PPFIA2: variants seen among roughly 807,000 people sequenced by gnomAD.
The protein encoded by PPFIA2 is PPFI scaffold protein A2, also known as liprin-alpha-2.
PPFIA2 carries 46 observed loss-of-function variants against 175.5 expected under a neutral mutation model. The ratio of observed to expected loss-of-function variants is 0.26; its 90% CI spans 0.21 to 0.34. The LOEUF (loss-of-function observed/expected upper bound fraction) is 0.34. Ranked by LOEUF, PPFIA2 falls within the 10% of genes least tolerant of loss-of-function variation. The probability of loss-of-function intolerance (pLI) is 1.00; values close to 1 mark genes in which losing one functional copy is unlikely to be tolerated. For missense variants in PPFIA2, 1,179 were observed against 1,506.1 expected (o/e 0.78, Z 3.60); for synonymous variants, 568 against 511.4 (o/e 1.11, Z -1.49).
chr12:81,366,202 T>C (rs1168071830), intron 14 of PPFIA2, among the ~76,000 whole-genome samples: 2 of 151,206 alleles, frequency 1.3e-5, no homozygotes, highest in African/African-American at 4.8e-5. Context: ...CTTTCTTCTT[T>C]AAAAAAATAA....
chr12:81,598,080 G>A (rs1334849310), intron 4 of PPFIA2: 14 of 1,533,794 alleles, frequency 9.1e-6, no homozygotes, highest in Non-Finnish European at 1.2e-5. Context: ...CAGATGCAGA[G>A]CAGAGAGCTT....
intron 7 of PPFIA2, 30 bp from the exon 8 acceptor site, chr12:81,405,933 G>A (rs1301842400): frequency 8.1e-7 from 1 of 1,237,664 alleles, no homozygotes; most frequent in Non-Finnish European, 1.1e-6. Flanking sequence ...TGCCTTTAAA[G>A]TCTAAATAGG....
intron 4 of PPFIA2, among the ~76,000 whole-genome samples, chr12:81,547,225 C>T (rs2067139150): frequency 6.6e-6 from 1 of 152,082 alleles, no homozygotes; most frequent in African/African-American, 2.4e-5. Flanking sequence ...ATTTTACTAA[C>T]CAAAACTCCT....
chr12:81,269,106 C>CT (rs145820544), intron 28 of PPFIA2, among the ~76,000 whole-genome samples: 7,350 of 150,704 alleles, frequency 0.049, 345 homozygotes, highest in African/African-American at 0.11. Flanking sequence ...AATGCCGTTT[C>CT]TTTTTTTTTA....
intron 22 of PPFIA2, among the ~76,000 whole-genome samples, chr12:81,311,664 CGGAGCT>C (rs1833845869): frequency 7.1e-6 from 1 of 141,834 alleles, no homozygotes; most frequent in African/African-American, 2.6e-5. Context: ...ACCTGGGAGG[CGGAGCT>C]TGCAGTGAGC....
In PPFIA2 at chr12:81,284,291, CGTTGCCTG is replaced by C. The variant is rs1401237994; in HGVS notation, c.2930_2937del (p.Ser977CysfsTer6). Reference sequence around the variant, plus strand: ...TCCATTTCTTCATGAGTCACCCAAACGTTGCCTGAAGGCTAGTGAGGAGGCCCAGAGGG... The same window carrying C: ...TCCATTTCTTCATGAGTCACCCAAACAAGGCTAGTGAGGAGGCCCAGAGGG... On this transcript the variant is annotated frameshift_variant, in exon 25 of 33. Coordinates refer to ENST00000549396, the MANE Select transcript of PPFIA2 (RefSeq NM_003625.5). LOFTEE classifies it high-confidence loss of function. 1.3e-6 allele frequency: 2 copies of C among 1,594,446 alleles called. No individual in the cohort carries two copies. The highest frequency in any genetic ancestry group is 1.7e-6 in the Non-Finnish European group (2 of 1,165,614).
At chr12:81,707,043 C>T (rs1490630958) in intron 3 of PPFIA2, among the ~76,000 whole-genome samples, 10 of 152,114 alleles carry the variant, frequency 6.6e-5, no homozygotes, top group South Asian at 2.1e-4. Flanking sequence ...AAGACTTAAA[C>T]GTTAGACCTA....
intron 4 of PPFIA2, among the ~76,000 whole-genome samples, chr12:81,461,569 G>A (rs2054543711): frequency 1.3e-5 from 2 of 151,994 alleles, no homozygotes; most frequent in Admixed American, 6.6e-5. Flanking sequence ...AGGCCCATCA[G>A]GGATCTCCAT....
At chr12:81,392,029 A>G (rs2040221234) in intron 8 of PPFIA2, among the ~76,000 whole-genome samples, 1 of 151,932 alleles carries the variant, frequency 6.6e-6, no homozygotes. Context: ...GAGGAGTGAC[A>G]TGATTTCACT....
intron 4 of PPFIA2, among the ~76,000 whole-genome samples, chr12:81,499,614 C>T (rs1010812644): frequency 3.9e-5 from 6 of 151,956 alleles, no homozygotes; most frequent in African/African-American, 1.5e-4. Context: ...TCTGAGATGC[C>T]TATAAGGTAA....
At chr12:81,630,599 T>G (rs1318535099) in intron 4 of PPFIA2, among the ~76,000 whole-genome samples, 1 of 152,126 alleles carries the variant, frequency 6.6e-6, no homozygotes, top group Non-Finnish European at 1.5e-5. Flanking sequence ...TTTGGAAGCC[T>G]AATAGTCTTG....
chr12:81,692,114 A>ACACC (rs1169845637), intron 3 of PPFIA2, among the ~76,000 whole-genome samples: 2 of 150,038 alleles, frequency 1.3e-5, no homozygotes, highest in Middle Eastern at 6.8e-3. Context: ...ACACAGACAC[A>ACACC]CACACACACA....
chr12:81,310,471 C>T (rs2139032537), intron 22 of PPFIA2, among the ~76,000 whole-genome samples: 1 of 152,222 alleles, frequency 6.6e-6, no homozygotes. Context: ...CAGTTTCTTA[C>T]AGTCCATTAA....
At chr12:81,415,798 C>T (rs572545788) in intron 7 of PPFIA2, among the ~76,000 whole-genome samples, 1 of 150,504 alleles carries the variant, frequency 6.6e-6, no homozygotes, top group South Asian at 2.1e-4. Context: ...TTATAATATT[C>T]AACAATAGTA....
At chr12:81,675,941 A>C (rs1360664050) in intron 4 of PPFIA2, among the ~76,000 whole-genome samples, 1 of 152,074 alleles carries the variant, frequency 6.6e-6, no homozygotes, top group African/African-American at 2.4e-5. Flanking sequence ...TAACACCGTG[A>C]GACATATCTG....
At chr12:81,547,135 T>C (rs941821040) in intron 4 of PPFIA2, among the ~76,000 whole-genome samples, 26 of 152,222 alleles carry the variant, frequency 1.7e-4, no homozygotes, top group African/African-American at 6.3e-4. Flanking sequence ...TTATGGAAAC[T>C]GTGCTCAATT....
At chr12:81,449,151 G>A (rs73358638) in intron 5 of PPFIA2, among the ~76,000 whole-genome samples, 2 of 152,078 alleles carry the variant, frequency 1.3e-5, no homozygotes, top group African/African-American at 4.8e-5. Context: ...GCATAAAGAA[G>A]TGACCATGGT....
chr12:81,274,336 A>T (rs2039957902), intron 28 of PPFIA2, among the ~76,000 whole-genome samples: 1 of 152,192 alleles, frequency 6.6e-6, no homozygotes, highest in Non-Finnish European at 1.5e-5. Context: ...ACTTAGGTTT[A>T]TATTTTGATA....
chr12:81,375,691 G>A (rs1285922709), intron 10 of PPFIA2, 105 bp downstream of exon 10: 6 of 1,151,986 alleles, frequency 5.2e-6, no homozygotes, highest in Admixed American at 2.3e-5. Context: ...TTTAGAGAAT[G>A]ATTACTCAAA....
Sources: gnomAD v4.1 joint callset for allele counts (sites outside exome capture counted in the v4.1 genomes callset) on GRCh38, gnomAD v4.1.1 for gene constraint, MANE v1.5 for transcripts, NCBI Gene and HGNC (gene_info 2026-07-23, HGNC 2026-07-21) for gene names.